TMEM201: variants seen among roughly 807,000 people sequenced by gnomAD.
TMEM201 encodes the protein transmembrane protein 201.
TMEM201 carries 26 observed loss-of-function variants against 63.4 expected under a neutral mutation model. That is an observed-to-expected ratio of 0.41 (90% CI 0.30 to 0.57). The LOEUF (loss-of-function observed/expected upper bound fraction) is 0.57, where lower values mean the gene tolerates loss of function less well. Ranked by LOEUF, TMEM201 falls within the 20% of genes least tolerant of loss-of-function variation. The probability of loss-of-function intolerance (pLI) is 0.29; values close to 1 mark genes in which losing one functional copy is unlikely to be tolerated. For synonymous variants in TMEM201, 417 were observed against 421.6 expected (o/e 0.99, Z 0.14); for missense variants, 794 against 917.7 (o/e 0.87, Z 1.74).
At chr1:9,598,377 A>C in intron 3 of TMEM201, 72 bp from the exon 4 acceptor site, 6 of 1,533,982 alleles carry the variant, frequency 3.9e-6, no homozygotes, top group Non-Finnish European at 5.3e-6. Context: ...ATCTGATTCC[A>C]CGTCTGACCT....
chr1:9,612,760 T>C (rs1321406034), intron 10 of TMEM201, among the ~76,000 whole-genome samples: 2 of 152,172 alleles, frequency 1.3e-5, no homozygotes, highest in Admixed American at 1.3e-4. Flanking sequence ...TCCTGGCGGC[T>C]CAGGGTTAGG....
chr1:9,598,200 C>T (rs372942002), intron 3 of TMEM201, among the ~76,000 whole-genome samples: 91 of 152,352 alleles, frequency 6.0e-4, no homozygotes, highest in African/African-American at 2.1e-3. Context: ...GCAACAGAAC[C>T]TTGTTAGTGT....
rs147962297 is a variant in TMEM201 at position 9,596,939 on chromosome 1, C to T, written c.315C>T (p.Arg105=). ...TGGTGAGCAGCGCGCCCAGCCTGCG[C>T]GACCCTTCGCAGCCGCAGCAGTGGG... ...NHVVSSAPSL[R]DPSQPQQWVS... Residue 105 remains arginine, a synonymous_variant, in exon 3 of 11, where the codon CGC becomes CGT. Transcript: ENST00000340381. 5.4e-5 allele frequency: 87 copies of T among 1,612,736 alleles called. No individual in the cohort carries two copies. Among genetic ancestry groups the T allele is most frequent in the Middle Eastern group, 4.9e-4 (3 of 6,084 alleles).
At position 9,596,020 on chromosome 1, in the gene TMEM201, A is replaced by ACAGGCAG; in HGVS notation, c.234+11_234+17dup. 6.2e-7 allele frequency: 1 copy of ACAGGCAG among 1,611,386 alleles called. No individual in the cohort carries two copies. The highest frequency in any genetic ancestry group is 8.5e-7 in the Non-Finnish European group (1 of 1,179,860). On this transcript the variant is annotated intron_variant, in intron 2 of 10. Transcript: ENST00000340381. Reference sequence around the variant, plus strand: ...CAACGGCTTCCAGGAGGTGTGGGTCACAGGCAGGCGGACGGGTGGGCACGC... The same window carrying ACAGGCAG: ...CAACGGCTTCCAGGAGGTGTGGGTCACAGGCAGCAGGCAGGCGGACGGGTGGGCACGC...
rs1392948068 is a variant in TMEM201, at chr1:9,612,993, C to T, written c.1911C>T (p.Phe637=). 1.5e-5 allele frequency: 24 copies of T among 1,551,600 alleles called. 1 individual carries two copies. Among genetic ancestry groups the T allele is most frequent in the East Asian group, 4.9e-5 (2 of 40,926 alleles). Residue 637 remains phenylalanine (F), a synonymous_variant, in exon 11 of 11, where the codon TTC becomes TTT. Transcript: ENST00000340381. The part of the protein sequence containing the change: ...SEEAATWRGR[F]GPSLVRGLLA... The stretch of plus-strand genomic sequence containing the variant: ...CAGGTCTCTGCTTTGCAGGTCGTTT[C>T]GGCCCTTCCCTGGTCCGGGGCCTCC...
intron 6 of TMEM201, chr1:9,602,746 C>A: frequency 9.8e-7 from 1 of 1,017,740 alleles, no homozygotes. Flanking sequence ...CCCTGGCGTG[C>A]CCTGACCGTG....
rs943264686 is a variant in TMEM201 at position 9,593,459 on chromosome 1, C to T, written c.114-2431C>T. Among the ~76,000 whole-genome samples, 8 of 152,310 alleles carry T rather than the reference C, an allele frequency of 5.3e-5. No individual in the cohort carries two copies. The South Asian group carries it at 6.2e-4, about 12-fold the overall frequency. On this transcript the variant is annotated intron_variant, in intron 1 of 10. Coordinates refer to ENST00000340381, the MANE Select transcript of TMEM201 (RefSeq NM_001130924.3). ...CAGCTGCTCTGGCCACCAGAGAGCCCACCCCCAACTCTAGCAGGGATTACC... is the reference window on the plus strand; with the variant it reads ...CAGCTGCTCTGGCCACCAGAGAGCCTACCCCCAACTCTAGCAGGGATTACC...
At chr1:9,598,287 GT>G (rs1344070247) in intron 3 of TMEM201, among the ~76,000 whole-genome samples, 161 bp from the exon 4 acceptor site, 3 of 152,200 alleles carry the variant, frequency 2.0e-5, no homozygotes, top group Admixed American at 2.0e-4. Context: ...GTGGGCATTT[GT>G]CCTGTTGGGC....
At chr1:9,611,526 TC>T (rs1644324112) in intron 9 of TMEM201, among the ~76,000 whole-genome samples, 2 of 152,210 alleles carry the variant, frequency 1.3e-5, no homozygotes, top group Admixed American at 1.3e-4. Flanking sequence ...CACGTCTCTT[TC>T]AATGTCAGAG....
Position 9,607,568 on chromosome 1 carries a change from G to A in TMEM201, c.1172G>A (p.Gly391Glu), listed in dbSNP as rs1644263947. The A allele has an allele frequency of 6.5e-7, 1 of 1,549,668 alleles. No individual in the cohort carries two copies. The highest frequency in any genetic ancestry group is 1.7e-4 in the Middle Eastern group (1 of 5,980). ...RRFRPRRFFP[G>E]DSAGLFPTSP... ...ACGGGCCCTTGCAGGTTCTTCCCAG[G>A]AGACTCTGCCGGCCTTTTCCCCACC... The change falls in exon 7 of 11, where the codon GGA (glycine) becomes GAA (glutamate). Residue 391 changes from glycine (G) to glutamate (E), a missense_variant. Physicochemically the swap from Gly to Glu is moderately conservative, Grantham distance 98. Transcript: ENST00000340381. The surrounding 1 kb of genome is among the most constrained non-coding windows in gnomAD (Gnocchi z 5.4).
chr1:9,592,595 G>T (rs1643939632), intron 1 of TMEM201, among the ~76,000 whole-genome samples: 1 of 152,356 alleles, frequency 6.6e-6, no homozygotes, highest in South Asian at 2.1e-4. Context: ...CCTCCCACCT[G>T]CAGGGAATAG....
Position 9,605,762 on chromosome 1 carries a change from G to A in TMEM201, c.1161-1795G>A, listed in dbSNP as rs1185346758. ...TTTAAGCACTGAGGCAGCCCCGGGT[G>A]GTGTGAGCAGGAGCTGGGAGGAGTG... On this transcript the variant is annotated intron_variant, in intron 6 of 10. Transcript: ENST00000340381. The surrounding 1 kb of genome is among the most constrained non-coding windows in gnomAD (Gnocchi z 5.7). 1.3e-5 allele frequency among the ~76,000 whole-genome samples: 2 copies of A among 152,208 alleles called. No homozygotes were observed. Among genetic ancestry groups the A allele is most frequent in the African/African-American group, 2.4e-5 (1 of 41,450 alleles).
At chr1:9,601,938 CGAG>C in intron 5 of TMEM201, 128 bp from the exon 6 acceptor site, 2 of 1,111,714 alleles carry the variant, frequency 1.8e-6, no homozygotes, top group Non-Finnish European at 2.5e-6. Flanking sequence ...GAGGGGATTC[CGAG>C]CCCACACTGT....
intron 1 of TMEM201, among the ~76,000 whole-genome samples, chr1:9,594,770 C>T (rs980421079): frequency 6.6e-6 from 1 of 152,234 alleles, no homozygotes. Flanking sequence ...GTCACTGCGT[C>T]CTTGCAGCAT....
chr1:9,611,105 T>C (rs1204872187), intron 9 of TMEM201: 2 of 1,453,080 alleles, frequency 1.4e-6, no homozygotes, highest in South Asian at 1.2e-5. Flanking sequence ...TTCACTCAAA[T>C]GGTGCTGTAC....
At chr1:9,591,236 AGGGCGGGCT>A (rs1643913727) in intron 1 of TMEM201, among the ~76,000 whole-genome samples, 1 of 152,204 alleles carries the variant, frequency 6.6e-6, no homozygotes, top group African/African-American at 2.4e-5. Flanking sequence ...TGAAACTGCC[AGGGCGGGCT>A]CTACTGTTCT....
chr1:9,604,570 A>G lies in TMEM201; in HGVS notation c.1160+2298A>G, dbSNP rs1644208552. 1 of 985,294 alleles carries G rather than the reference A, an allele frequency of 1.0e-6. No individual in the cohort carries two copies. The highest frequency in any genetic ancestry group is 1.2e-6 in the Non-Finnish European group (1 of 829,936). The allele number at this position is 985,294 out of a possible 1,614,324, so 61.0% of individuals were successfully genotyped here. On this transcript the variant is annotated intron_variant, in intron 6 of 10. Coordinates refer to ENST00000340381, the MANE Select transcript of TMEM201 (RefSeq NM_001130924.3). This position sits in a 1 kb window ranked among gnomAD's most constrained non-coding sequence, Gnocchi z 4.1. Reference sequence around the variant, plus strand: ...CTCTTCTCCTCGCGGGGGACTTGGGATGGCCATCAGACCTTCTAGGGTCTG... The same window carrying G: ...CTCTTCTCCTCGCGGGGGACTTGGGGTGGCCATCAGACCTTCTAGGGTCTG...
chr1:9,599,528 T>TG (rs1213172950), intron 4 of TMEM201, among the ~76,000 whole-genome samples: 1 of 152,260 alleles, frequency 6.6e-6, no homozygotes, highest in African/African-American at 2.4e-5. Context: ...GTGCTGGGAT[T>TG]ACAGGCCTGA....
intron 9 of TMEM201, chr1:9,611,138 T>C (rs2100527540): frequency 8.8e-7 from 1 of 1,139,682 alleles, no homozygotes; most frequent in African/African-American, 1.6e-5. Flanking sequence ...AAAATGTTTA[T>C]AGTTAGCCCC....
Sources: allele counts gnomAD v4.1 joint callset (sites outside exome capture counted in the v4.1 genomes callset), GRCh38; gene constraint gnomAD v4.1.1; non-coding constraint Gnocchi (gnomAD v3.1); transcripts MANE v1.5; gene names NCBI Gene and HGNC (gene_info 2026-07-23, HGNC 2026-07-21).